Variants in SRL observed in about 807,000 individuals in gnomAD.
SRL encodes sarcalumenin.
A neutral mutation model predicts 39.5 loss-of-function variants in SRL; 23 were observed. The observed-to-expected ratio is 0.58, with a 90% CI of 0.42 to 0.82. The LOEUF is 0.82. SRL is among the 40% of genes least tolerant of loss of function. SRL has a pLI of 0.00. For missense variants in SRL, 592 were observed against 607.8 expected, an observed-to-expected ratio of 0.97 and a Z score of 0.27; for synonymous variants, 272 against 237.4, an observed-to-expected ratio of 1.15 and a Z score of -1.34.
intron 1 of SRL, among the ~76,000 whole-genome samples, chr16:4,223,251 C>CA (rs1297072160): frequency 7.4e-6 from 1 of 134,384 alleles, no homozygotes; most frequent in Non-Finnish European, 1.6e-5. Context: ...AAAAAAAAAG[C>CA]AAAAAAGCAA....
At chr16:4,199,543 G>A (rs1458035888) in intron 3 of SRL, among the ~76,000 whole-genome samples, 2 of 151,266 alleles carry the variant, frequency 1.3e-5, no homozygotes, top group Non-Finnish European at 2.9e-5. Flanking sequence ...GCTCATTTTT[G>A]TATTTAGAGT....
intron 1 of SRL, among the ~76,000 whole-genome samples, chr16:4,229,486 G>T (rs2052635571): frequency 1.3e-5 from 2 of 151,982 alleles, no homozygotes; most frequent in South Asian, 4.1e-4. Flanking sequence ...GCAGAAACAT[G>T]GATGCAGCTG....
rs1474573447 is a variant in SRL, at chr16:4,192,724, T to C, written c.851A>G (p.Glu284Gly). The C allele has an allele frequency of 6.2e-7, 1 of 1,614,068 alleles. No homozygotes were observed. Among genetic ancestry groups the C allele is most frequent in the Non-Finnish European group, 8.5e-7 (1 of 1,180,040 alleles). ...WSLAPLINVT[E>G]PPRVYVSSFW... ...GGAGCTGACGTAAACCCTTGGGGGC[T>C]CTGTGACATTGATGAGAGGGGCCAA... The change falls in exon 6 of 6, where the codon GAG becomes GGG. Residue 284 changes from glutamate (E) to glycine (G), a missense_variant. By Grantham distance (98) the Glu-to-Gly change is moderately conservative. Transcript: ENST00000399609. This position sits in a 1 kb window ranked among gnomAD's most constrained non-coding sequence, Gnocchi z 4.0.
chr16:4,219,962 G>A (rs1338523708), intron 1 of SRL, among the ~76,000 whole-genome samples: 2 of 152,054 alleles, frequency 1.3e-5, no homozygotes, highest in African/African-American at 4.8e-5. Context: ...GCCAAAAGAA[G>A]ATGGGACCAG....
Position 4,204,980 on chromosome 16 carries a change from C to G in SRL, c.62-346G>C, listed in dbSNP as rs57402541. The stretch of plus-strand genomic sequence containing the variant: ...AGTGGTGCCCAAAACAGGCACAACT[C>G]CTTAGGCAGCTGCTCTTAGTCCAGT... On this transcript the variant is annotated intron_variant, in intron 1 of 5. Transcript: ENST00000399609. Among the ~76,000 whole-genome samples the G allele has an allele frequency of 3.1e-3, 479 of 152,258 alleles. 1 individual carries two copies. The highest frequency in any genetic ancestry group is 0.011 in the African/African-American group (438 of 41,552).
At chr16:4,196,315 T>A (rs967365065) in intron 4 of SRL, among the ~76,000 whole-genome samples, 2 of 152,086 alleles carry the variant, frequency 1.3e-5, no homozygotes, top group African/African-American at 4.8e-5. Flanking sequence ...TTAAGCACAT[T>A]CACCCTGTTG....
chr16:4,211,451 GTGATGA>G lies in SRL; in HGVS notation c.62-6823_62-6818del, dbSNP rs369522486. ...GATGACCGTGCCGATGATGAGGATCGTGATGATGATGATGATGGTGATGATGGTGAT... is the reference window on the plus strand; with the variant it reads ...GATGACCGTGCCGATGATGAGGATCGTGATGATGATGGTGATGATGGTGAT... On this transcript the variant is annotated intron_variant, in intron 1 of 5. Transcript: ENST00000399609. 3.2e-5 allele frequency among the ~76,000 whole-genome samples: 4 copies of G among 124,630 alleles called. No homozygotes were observed. The East Asian group carries it at 9.5e-4, about 30-fold the overall frequency. 81.8% of individuals were successfully genotyped at this position (124,630 alleles called of 152,430 possible). A position where few individuals can be genotyped will look rare whatever the true frequency, so the allele number is the denominator to read the frequency against.
chr16:4,234,164 A>G (rs2052689753), intron 1 of SRL, among the ~76,000 whole-genome samples: 1 of 152,014 alleles, frequency 6.6e-6, no homozygotes, highest in Non-Finnish European at 1.5e-5. Flanking sequence ...AGCTATTTTT[A>G]AAGTTTTTTT....
chr16:4,204,491 C>T lies in SRL; in HGVS notation c.163+42G>A, dbSNP rs749330923. On this transcript the variant is annotated intron_variant, in intron 2 of 5. Transcript: ENST00000399609. ...AGGAGTCTGCCCGGGCCCTGGTGGC[C>T]GGGCTCTCCCAGCCCTGGGCATATC... The T allele has an allele frequency of 2.1e-5, 33 of 1,541,322 alleles. No homozygotes were observed. In the East Asian group the frequency reaches 4.0e-4, roughly 19 times the overall value.
At chr16:4,226,509 G>A (rs1237045664) in intron 1 of SRL, among the ~76,000 whole-genome samples, 2 of 151,976 alleles carry the variant, frequency 1.3e-5, no homozygotes, top group African/African-American at 2.4e-5. Context: ...GTGGAAGGAT[G>A]GATGGATGGA....
intron 1 of SRL, among the ~76,000 whole-genome samples, chr16:4,205,621 G>A (rs2052308715): frequency 6.6e-6 from 1 of 152,088 alleles, no homozygotes; most frequent in Non-Finnish European, 1.5e-5. Flanking sequence ...AAAAGCCCCA[G>A]ACGAGCCTTA....
chr16:4,195,521 C>T, intron 5 of SRL, 32 bp downstream of exon 5: 1 of 1,606,184 alleles, frequency 6.2e-7, no homozygotes, highest in Admixed American at 1.7e-5. Flanking sequence ...TGAAACAGAG[C>T]TTACACTGTT....
intron 1 of SRL, among the ~76,000 whole-genome samples, chr16:4,208,394 G>T (rs889806): frequency 1.3e-3 from 198 of 151,962 alleles, no homozygotes; most frequent in Non-Finnish European, 2.3e-3. Context: ...AACCGCCCCC[G>T]CACCGCGACC....
At chr16:4,205,357 G>C (rs1444216667) in intron 1 of SRL, among the ~76,000 whole-genome samples, 1 of 152,182 alleles carries the variant, frequency 6.6e-6, no homozygotes, top group Non-Finnish European at 1.5e-5. Flanking sequence ...TTAGGGCTAG[G>C]TAGGAGAATG....
intron 1 of SRL, among the ~76,000 whole-genome samples, chr16:4,218,613 G>C (rs1268743879): frequency 2.6e-5 from 4 of 152,192 alleles, no homozygotes; most frequent in Non-Finnish European, 4.4e-5. Flanking sequence ...TCACACACAG[G>C]CCCGCTGGAC....
Position 4,189,838 on chromosome 16 carries a change from TC to T in SRL, c.*2314del, listed in dbSNP as rs987155153. On this transcript the variant is annotated 3_prime_UTR_variant, in exon 6 of 6. Transcript: ENST00000399609. Reference sequence around the variant, plus strand: ...ACAGTTGTGCATCTTTTTTTGTTTTTCCCCTGACTACACAGAAAAACAGATC... The same window carrying T: ...ACAGTTGTGCATCTTTTTTTGTTTTTCCCTGACTACACAGAAAAACAGATC... The T allele has an allele frequency of 6.4e-6, 1 of 157,176 alleles. No homozygotes were observed. Among genetic ancestry groups the T allele is most frequent in the Admixed American group, 6.5e-5 (1 of 15,402 alleles). 9.7% of individuals were successfully genotyped at this position (157,176 alleles called of 1,614,324 possible).
In SRL at chr16:4,192,231, G is replaced by A. The variant is rs150521087; in HGVS notation, c.1344C>T (p.Leu448=). ...ELPGLLGSLG[L]GKNPGALNCD... ...AGTTGAGAGCACCTGGATTCTTCCCGAGCCCGAGGCTACCCAGGAGGCCCG... is the reference window on the plus strand; with the variant it reads ...AGTTGAGAGCACCTGGATTCTTCCCAAGCCCGAGGCTACCCAGGAGGCCCG... The change falls in exon 6 of 6, where the codon CTC becomes CTT. Residue 448 remains leucine (L), a synonymous_variant. Coordinates refer to ENST00000399609, the MANE Select transcript of SRL (RefSeq NM_001098814.2). The surrounding 1 kb of genome is among the most constrained non-coding windows in gnomAD (Gnocchi z 4.0). The A allele has an allele frequency of 5.7e-5, 91 of 1,609,626 alleles. No homozygotes were observed. In the African/African-American group the frequency reaches 1.0e-3, roughly 18 times the overall value.
intron 1 of SRL, among the ~76,000 whole-genome samples, chr16:4,222,694 C>T (rs2141057244): frequency 6.6e-6 from 1 of 152,342 alleles, no homozygotes; most frequent in South Asian, 2.1e-4. Flanking sequence ...AACCTGCTGG[C>T]TGCATTGAGA....
At chr16:4,194,095 G>A (rs1464343890) in intron 5 of SRL, among the ~76,000 whole-genome samples, 2 of 152,166 alleles carry the variant, frequency 1.3e-5, no homozygotes, top group Non-Finnish European at 2.9e-5. Flanking sequence ...GCACTGCCCT[G>A]TTCAGGACTC....
Sources: allele counts gnomAD v4.1 joint callset (sites outside exome capture counted in the v4.1 genomes callset), GRCh38; gene constraint gnomAD v4.1.1; non-coding constraint Gnocchi (gnomAD v3.1); transcripts MANE v1.5; gene names NCBI Gene and HGNC (gene_info 2026-07-23, HGNC 2026-07-21).